CCDC38: variants seen among roughly 807,000 people sequenced by gnomAD.
The protein encoded by CCDC38 is coiled-coil domain-containing protein 38.
In CCDC38, 69 loss-of-function variants were observed where a neutral mutation model predicts 72.8. That is an observed-to-expected ratio of 0.95 (90% CI 0.78 to 1.16). The LOEUF is 1.16. Ranked by LOEUF, CCDC38 falls within the 50% of genes most tolerant of loss-of-function variation. The pLI, the probability that CCDC38 is intolerant of heterozygous loss-of-function variation, is 0.00. For synonymous variants in CCDC38, 201 were observed against 213.2 expected, an observed-to-expected ratio of 0.94 and a Z score of 0.50; for missense variants, 626 against 638.9, an observed-to-expected ratio of 0.98 and a Z score of 0.22.
At position 95,879,147 on chromosome 12, in the gene CCDC38, T is replaced by C. The variant is rs999758885; in HGVS notation, c.1142+497A>G. Among the ~76,000 whole-genome samples, 3 of 152,186 alleles carry C rather than the reference T, an allele frequency of 2.0e-5. No individual in the cohort carries two copies. The highest frequency in any genetic ancestry group is 7.2e-5 in the African/African-American group (3 of 41,446). The stretch of plus-strand genomic sequence containing the variant: ...TTTGTGAGGGATCAAATCCAGCTGC[T>C]TTCCCCTGACAGAAATCCTTTCTAT... On this transcript the variant is annotated intron_variant, in intron 12 of 15. Transcript: ENST00000344280. This position sits in a 1 kb window ranked among gnomAD's most constrained non-coding sequence, Gnocchi z 5.5.
chr12:95,921,277 G>C (rs932061470), intron 2 of CCDC38, among the ~76,000 whole-genome samples: 2 of 152,062 alleles, frequency 1.3e-5, no homozygotes, highest in Admixed American at 6.6e-5. Flanking sequence ...TTGGGATGTG[G>C]CAGGATGGAA....
intron 2 of CCDC38, among the ~76,000 whole-genome samples, chr12:95,922,724 A>C (rs561114056): frequency 8.4e-4 from 128 of 152,286 alleles, no homozygotes; most frequent in African/African-American, 3.0e-3. Flanking sequence ...AAAAACATGA[A>C]GTAGAAACAG....
At chr12:95,943,173 A>G (rs931103654), upstream of CCDC38, 1 of 504,266 alleles carries the variant, frequency 2.0e-6, no homozygotes, top group African/African-American at 2.0e-5. Context: ...CGACCAAAAA[A>G]GAGAGGATTC....
chr12:95,889,368 T>C (rs2079798408), intron 9 of CCDC38, among the ~76,000 whole-genome samples: 1 of 152,034 alleles, frequency 6.6e-6, no homozygotes. Flanking sequence ...TGTTAAGAGG[T>C]GTTATTTAAA....
At chr12:95,920,293 G>T (rs2080191114) in intron 2 of CCDC38, among the ~76,000 whole-genome samples, 1 of 152,118 alleles carries the variant, frequency 6.6e-6, no homozygotes, top group African/African-American at 2.4e-5. Context: ...ACACTCTCTT[G>T]CCTGCCACCA....
At position 95,872,321 on chromosome 12, in the gene CCDC38, A is replaced by G. The variant is rs1048758318; in HGVS notation, c.1418T>C (p.Ile473Thr). 8.1e-6 allele frequency: 13 copies of G among 1,614,124 alleles called. No homozygotes were observed. The highest frequency in any genetic ancestry group is 8.5e-6 in the Non-Finnish European group (10 of 1,180,018). ...ESRLVELCDLIESIPKENVEA... is the reference protein window; with the variant it reads ...ESRLVELCDLTESIPKENVEA... ...CACATTTTCTTTGGGAATGGATTCGATGAGGTCACACAGTTCTACCAGGCG... is the reference window on the plus strand; with the variant it reads ...CACATTTTCTTTGGGAATGGATTCGGTGAGGTCACACAGTTCTACCAGGCG... Residue 473 changes from isoleucine to threonine, a missense_variant, in exon 14 of 16, where the codon ATC (isoleucine) becomes ACC (threonine). By Grantham distance (89) the Ile-to-Thr change is moderately conservative (BLOSUM62 -1). Coordinates refer to ENST00000344280, the MANE Select transcript of CCDC38 (RefSeq NM_182496.3).
chr12:95,920,599 C>A (rs549918271), intron 2 of CCDC38, among the ~76,000 whole-genome samples: 21 of 151,652 alleles, frequency 1.4e-4, no homozygotes, highest in Non-Finnish European at 2.9e-4. Context: ...AAGCCAGTAA[C>A]AAAGGACCAC....
intron 2 of CCDC38, among the ~76,000 whole-genome samples, chr12:95,927,734 G>A (rs1016124377): frequency 2.6e-5 from 4 of 152,038 alleles, no homozygotes; most frequent in Admixed American, 6.6e-5. Context: ...GGCAGGCCTG[G>A]TGGTGACAAA....
chr12:95,906,319 G>A (rs758076693), intron 5 of CCDC38, 68 bp downstream of exon 5: 21 of 1,147,162 alleles, frequency 1.8e-5, no homozygotes, highest in Non-Finnish European at 2.6e-5. Flanking sequence ...AAATGTCAAG[G>A]TAAATATTTG....
intron 8 of CCDC38, among the ~76,000 whole-genome samples, chr12:95,892,987 A>G (rs2079845529): frequency 6.6e-6 from 1 of 152,182 alleles, no homozygotes; most frequent in Non-Finnish European, 1.5e-5. Context: ...ATTTTAAAGC[A>G]TTTGTAATCC....
intron 9 of CCDC38, among the ~76,000 whole-genome samples, chr12:95,889,534 A>G (rs961280102): frequency 1.3e-5 from 2 of 152,158 alleles, no homozygotes; most frequent in African/African-American, 2.4e-5. Flanking sequence ...TCACAACACA[A>G]AAGAATTTAC....
intron 2 of CCDC38, among the ~76,000 whole-genome samples, chr12:95,919,180 A>G (rs1479802811): frequency 6.6e-6 from 1 of 152,256 alleles, no homozygotes; most frequent in Non-Finnish European, 1.5e-5. Context: ...CAGCCCCCAG[A>G]ATCACAGCAG....
At chr12:95,867,790 A>G (rs6538678) in intron 15 of CCDC38, among the ~76,000 whole-genome samples, 120,620 of 152,098 alleles carry the variant, frequency 0.79, 48,326 homozygotes, top group African/African-American at 0.87. Context: ...TCCCTCCTCC[A>G]CTTTTTATTT....
intron 4 of CCDC38, among the ~76,000 whole-genome samples, chr12:95,916,310 A>AT (rs138396860): frequency 0.069 from 10,536 of 151,846 alleles, 513 homozygotes; most frequent in Non-Finnish European, 0.096. Flanking sequence ...TCTCTGAAAA[A>AT]TTTTTTTACA....
In CCDC38 at chr12:95,872,385, C is replaced by T. The variant is rs200076553; in HGVS notation, c.1354G>A (p.Gly452Ser). The T allele has an allele frequency of 5.9e-5, 95 of 1,613,912 alleles. No individual in the cohort carries two copies. Among genetic ancestry groups the T allele is most frequent in the South Asian group, 1.1e-5 (1 of 91,082 alleles). ...KVCIGDAEDD[G>S]LNPIQKLVKV... Reference sequence around the variant, plus strand: ...ACCAGCTTTTGAATTGGGTTGAGGCCGTCATCCTCAGCATCTCCAATGCAG... The same window carrying T: ...ACCAGCTTTTGAATTGGGTTGAGGCTGTCATCCTCAGCATCTCCAATGCAG... The change falls in exon 14 of 16, where the codon GGC becomes AGC. Residue 452 changes from glycine to serine, a missense_variant. Transcript: ENST00000344280.
chr12:95,871,697 C>A (rs142562537), intron 14 of CCDC38, among the ~76,000 whole-genome samples: 11 of 21,726 alleles, frequency 5.1e-4, no homozygotes, highest in Admixed American at 1.0e-3. Context: ...ATGTTGTGTA[C>A]ATGTTGGCAG....
chr12:95,913,083 CA>C (rs907536585), intron 4 of CCDC38, among the ~76,000 whole-genome samples: 14 of 150,974 alleles, frequency 9.3e-5, no homozygotes, highest in Middle Eastern at 3.2e-3. Context: ...ATAATAAAAG[CA>C]AAAAAAATGC....
intron 2 of CCDC38, among the ~76,000 whole-genome samples, chr12:95,927,677 T>C (rs914716839): frequency 6.6e-6 from 1 of 152,214 alleles, no homozygotes; most frequent in Admixed American, 6.5e-5. Flanking sequence ...CGGCTGGTAT[T>C]GGTTGTTCCT....
At chr12:95,941,277 T>C (rs527522871) in intron 1 of CCDC38, among the ~76,000 whole-genome samples, 8 of 152,244 alleles carry the variant, frequency 5.3e-5, no homozygotes, top group Non-Finnish European at 1.2e-4. Context: ...TACTATTGGC[T>C]GAAATCTAAT....
Sources: allele counts gnomAD v4.1 joint callset (sites outside exome capture counted in the v4.1 genomes callset), GRCh38; gene constraint gnomAD v4.1.1; non-coding constraint Gnocchi (gnomAD v3.1); transcripts MANE v1.5; gene names NCBI Gene and HGNC (gene_info 2026-07-23, HGNC 2026-07-21).